The following DMD variants were observed in gnomAD, a reference collection of about 807,000 sequenced individuals.
DMD encodes the protein mutant dystrophin.
In DMD, 63 loss-of-function variants were observed where a neutral mutation model predicts 330.1. The ratio of observed to expected loss-of-function variants is 0.19; its 90% CI spans 0.16 to 0.24. DMD has a LOEUF of 0.24. Among genes scored for constraint, DMD ranks in the 10% least tolerant of loss-of-function variants. DMD has a pLI of 1.00. For missense variants in DMD, 3,344 were observed against 2,684.1 expected (o/e 1.25, Z -5.43); for synonymous variants, 1,223 against 959.8 (o/e 1.27, Z -5.07).
intron 59 of DMD, among the ~76,000 whole-genome samples, chrX:31,476,781 G>A (rs1333277064): frequency 9.0e-6 from 1 of 111,033 alleles, no homozygotes; most frequent in Non-Finnish European, 1.9e-5. Flanking sequence ...GCACACAGAG[G>A]GGTGAATGGG....
intron 1 of DMD, among the ~76,000 whole-genome samples, chrX:33,327,331 CAAGA>C (rs953993203): frequency 1.9e-4 from 21 of 111,257 alleles, no homozygotes; most frequent in African/African-American, 5.6e-4. Context: ...CTCCAATGAA[CAAGA>C]AAGAGAAAGA....
intron 54 of DMD, among the ~76,000 whole-genome samples, chrX:31,650,521 T>C (rs1164313277): frequency 2.7e-5 from 3 of 111,524 alleles, no homozygotes; most frequent in African/African-American, 9.8e-5. Context: ...TATAAAATAA[T>C]ATAACAGTCT....
intron 9 of DMD, among the ~76,000 whole-genome samples, chrX:32,667,155 T>G (rs1426953711): frequency 9.0e-6 from 1 of 111,445 alleles, no homozygotes; most frequent in Non-Finnish European, 1.9e-5. Context: ...ACACTAAGAA[T>G]TTAAACCTTG....
At chrX:32,987,103 A>G (rs2092863229) in intron 2 of DMD, among the ~76,000 whole-genome samples, 1 of 112,166 alleles carries the variant, frequency 8.9e-6, no homozygotes. Context: ...ATCAAAAGTC[A>G]TGGGACCTAA....
chrX:32,466,219 T>C (rs1044090374), intron 23 of DMD, among the ~76,000 whole-genome samples: 5 of 111,233 alleles, frequency 4.5e-5, no homozygotes, highest in Admixed American at 9.6e-5. Context: ...CCCATATATA[T>C]TGTCTACCCA....
intron 9 of DMD, among the ~76,000 whole-genome samples, chrX:32,648,216 A>G (rs2059906890): frequency 8.9e-6 from 1 of 112,140 alleles, no homozygotes; most frequent in African/African-American, 3.2e-5. Flanking sequence ...GGATGTGCAT[A>G]AAACAAAAAC....
intron 44 of DMD, among the ~76,000 whole-genome samples, chrX:32,074,558 A>C (rs904757325): frequency 9.0e-6 from 1 of 111,650 alleles, no homozygotes; most frequent in Non-Finnish European, 1.9e-5. Flanking sequence ...GCAACACATA[A>C]AAATTATACG....
intron 7 of DMD, among the ~76,000 whole-genome samples, chrX:32,796,606 A>G (rs1411740793): frequency 8.9e-6 from 1 of 112,006 alleles, no homozygotes; most frequent in East Asian, 2.8e-4. Flanking sequence ...AGAACTCAAA[A>G]TGTTCACAGA....
intron 18 of DMD, among the ~76,000 whole-genome samples, chrX:32,506,295 T>G (rs1318796429): frequency 9.1e-6 from 1 of 109,915 alleles, no homozygotes; most frequent in Non-Finnish European, 1.9e-5. Flanking sequence ...TATGGGAAAT[T>G]TTTGTACCTT....
chrX:32,698,622 ATTGT>A (rs1397820935), intron 8 of DMD, among the ~76,000 whole-genome samples: 1 of 112,064 alleles, frequency 8.9e-6, no homozygotes, highest in African/African-American at 3.2e-5. Context: ...GTTTTTCTTT[ATTGT>A]TTATTTGAAA....
In DMD at chrX:31,276,496, G is replaced by A. The variant is rs1039534709; in HGVS notation, c.9225-15480C>T. ...CTACAACTCTCATGCTCTGTTAGTA[G>A]GAGTGCAAACTGGTACAACCACATT... On this transcript the variant is annotated intron_variant, in intron 62 of 78. Coordinates refer to ENST00000357033, the MANE Select transcript of DMD (RefSeq NM_004006.3). 3.6e-5 allele frequency among the ~76,000 whole-genome samples: 4 copies of A among 112,203 alleles called. No individual in the cohort carries two copies. The Admixed American group carries it at 3.8e-4, about 11-fold the overall frequency.
At chrX:32,141,366 G>A (rs986436083) in intron 44 of DMD, among the ~76,000 whole-genome samples, 2 of 110,678 alleles carry the variant, frequency 1.8e-5, no homozygotes, top group Non-Finnish European at 3.8e-5. Flanking sequence ...AACCCGGGAG[G>A]TGGAGGTTGC....
intron 7 of DMD, among the ~76,000 whole-genome samples, chrX:32,753,802 T>C (rs2071134923): frequency 8.9e-6 from 1 of 112,027 alleles, no homozygotes; most frequent in Non-Finnish European, 1.9e-5. Flanking sequence ...TGTTAATATG[T>C]TCTTGAGGGA....
intron 44 of DMD, among the ~76,000 whole-genome samples, chrX:32,002,152 G>A (rs1172831424): frequency 9.0e-6 from 1 of 111,345 alleles, no homozygotes; most frequent in Non-Finnish European, 1.9e-5. Flanking sequence ...AATTCCAGTC[G>A]CTGTTGCCTC....
intron 2 of DMD, among the ~76,000 whole-genome samples, chrX:32,891,113 A>C (rs771581532): frequency 8.9e-6 from 1 of 112,672 alleles, no homozygotes; most frequent in Non-Finnish European, 1.9e-5. Flanking sequence ...CAAAAAGTTT[A>C]AATTACATAT....
intron 45 of DMD, among the ~76,000 whole-genome samples, chrX:31,936,208 C>G (rs2094923538): frequency 9.0e-6 from 1 of 111,031 alleles, no homozygotes; most frequent in African/African-American, 3.3e-5. Flanking sequence ...CTACAATAAA[C>G]ACATTTATTT....
chrX:32,586,451 A>G (rs2149217240), intron 13 of DMD, among the ~76,000 whole-genome samples: 1 of 108,533 alleles, frequency 9.2e-6, no homozygotes, highest in East Asian at 2.9e-4. Flanking sequence ...AAATAAATAT[A>G]TATGTTTATA....
intron 47 of DMD, among the ~76,000 whole-genome samples, chrX:31,914,060 G>C (rs1229828703): frequency 8.9e-6 from 1 of 112,347 alleles, no homozygotes; most frequent in African/African-American, 3.2e-5. Flanking sequence ...AAAAAGCAAC[G>C]ATTTTTCTCA....
At chrX:33,075,301 A>G (rs1438560700) in intron 1 of DMD, among the ~76,000 whole-genome samples, 2 of 111,568 alleles carry the variant, frequency 1.8e-5, no homozygotes, top group Non-Finnish European at 3.8e-5. Context: ...GCAAGCACCT[A>G]TTGCGTAGCT....
Sources: allele counts gnomAD v4.1 joint callset (sites outside exome capture counted in the v4.1 genomes callset), GRCh38; gene constraint gnomAD v4.1.1; transcripts MANE v1.5; gene names NCBI Gene and HGNC (gene_info 2026-07-23, HGNC 2026-07-21).